Variants in PDE10A observed in about 807,000 individuals in gnomAD.
PDE10A encodes the protein cAMP and cAMP-inhibited cGMP 3',5'-cyclic phosphodiesterase 10A.
A neutral mutation model predicts 97.7 loss-of-function variants in PDE10A; 39 were observed. The ratio of observed to expected loss-of-function variants is 0.40; its 90% CI spans 0.31 to 0.52. The LOEUF is 0.52. PDE10A is among the 20% of genes least tolerant of loss of function. The probability of loss-of-function intolerance (pLI) is 0.56; values close to 1 mark genes in which losing one functional copy is unlikely to be tolerated. For missense variants in PDE10A, 731 were observed against 1,047.8 expected (o/e 0.70, Z 4.17); for synonymous variants, 371 against 376.8 (o/e 0.98, Z 0.18).
At chr6:165,916,954 G>A (rs1276521076) in intron 1 of PDE10A, among the ~76,000 whole-genome samples, 1 of 152,146 alleles carries the variant, frequency 6.6e-6, no homozygotes, top group East Asian at 1.9e-4. Context: ...GTTGGAGGCA[G>A]CAGAATACCC....
chr6:165,985,217 A>G (rs1199397870), intron 1 of PDE10A, among the ~76,000 whole-genome samples: 1 of 152,208 alleles, frequency 6.6e-6, no homozygotes, highest in East Asian at 1.9e-4. Context: ...ACAACAAAAC[A>G]TCTCCATCTG....
intron 1 of PDE10A, among the ~76,000 whole-genome samples, chr6:165,770,315 A>G (rs1181959965): frequency 6.6e-6 from 1 of 152,160 alleles, no homozygotes; most frequent in Admixed American, 6.5e-5. Context: ...TCTTTTTAAA[A>G]AAAAAGAAAG....
chr6:165,674,232 G>C (rs1265720353), intron 1 of PDE10A, among the ~76,000 whole-genome samples: 1 of 151,814 alleles, frequency 6.6e-6, no homozygotes, highest in Non-Finnish European at 1.5e-5. Flanking sequence ...AACAATAGCC[G>C]TGTCTCCCTC....
chr6:165,641,453 A>C (rs1275713206), intron 1 of PDE10A, among the ~76,000 whole-genome samples: 2 of 152,230 alleles, frequency 1.3e-5, no homozygotes, highest in African/African-American at 2.4e-5. Context: ...TTAAAGGTTG[A>C]TGTCTGAACT....
At chr6:165,883,929 G>C (rs1781558779) in intron 1 of PDE10A, among the ~76,000 whole-genome samples, 1 of 152,168 alleles carries the variant, frequency 6.6e-6, no homozygotes, top group Non-Finnish European at 1.5e-5. Context: ...TCAGCTTGGT[G>C]GTCCTTGAGG....
chr6:165,506,251 CGT>C (rs1719867914), intron 2 of PDE10A, among the ~76,000 whole-genome samples: 1 of 152,012 alleles, frequency 6.6e-6, no homozygotes. Flanking sequence ...TTTGAATACA[CGT>C]ATAACATTTC....
chr6:165,625,036 G>A (rs2128411344), intron 1 of PDE10A, among the ~76,000 whole-genome samples: 1 of 152,326 alleles, frequency 6.6e-6, no homozygotes, highest in South Asian at 2.1e-4. Flanking sequence ...TGTTTGGTGA[G>A]CTCAAAGTGC....
chr6:165,784,368 C>T (rs1025342945), intron 1 of PDE10A, among the ~76,000 whole-genome samples: 15 of 152,326 alleles, frequency 9.8e-5, no homozygotes, highest in Admixed American at 5.9e-4. Flanking sequence ...GTCCTTTCCA[C>T]GTTTCTGAGT....
rs1562327907 is a variant in PDE10A at position 165,958,762 on chromosome 6, A to AAAGAAAGAAAGG, written c.-615+28766_-615+28767insCCTTTCTTTCTT. On this transcript the variant is annotated intron_variant, in intron 1 of 19. Transcript: ENST00000366882. ...AAGAAAGAAAGAGAAAGAAAGAAAG[A>AAAGAAAGAAAGG]AAGAAGAAAGCAAGCCAGCCATGCC... 4.2e-5 allele frequency among the ~76,000 whole-genome samples: 6 copies of AAAGAAAGAAAGG among 142,968 alleles called. 1 individual carries two copies. Among genetic ancestry groups the AAAGAAAGAAAGG allele is most frequent in the Non-Finnish European group, 9.2e-5 (6 of 64,940 alleles). The allele number at this position is 142,968 out of a possible 152,430, so 93.8% of individuals were successfully genotyped here. A position where few individuals can be genotyped will look rare whatever the true frequency, so the allele number is the denominator to read the frequency against.
At chr6:165,796,834 T>C (rs1778844555) in intron 1 of PDE10A, among the ~76,000 whole-genome samples, 1 of 152,186 alleles carries the variant, frequency 6.6e-6, no homozygotes, top group South Asian at 2.1e-4. Flanking sequence ...TTCCCCCTCA[T>C]TTTCAAGACA....
chr6:165,394,655 A>C (rs1785997234), intron 15 of PDE10A, among the ~76,000 whole-genome samples: 1 of 152,216 alleles, frequency 6.6e-6, no homozygotes, highest in African/African-American at 2.4e-5. Flanking sequence ...CGTTTTCTAC[A>C]ATGGTTGAAC....
chr6:165,611,515 TGAGGCTGTGCC>T, intron 1 of PDE10A, among the ~76,000 whole-genome samples: 1 of 152,322 alleles, frequency 6.6e-6, no homozygotes, highest in Non-Finnish European at 1.5e-5. Flanking sequence ...GCACAAGATC[TGAGGCTGTGCC>T]CAGAAGGGGC....
At chr6:165,345,152 T>A (rs1322662227) in intron 18 of PDE10A, among the ~76,000 whole-genome samples, 1 of 152,188 alleles carries the variant, frequency 6.6e-6, no homozygotes, top group East Asian at 1.9e-4. Context: ...ATAACGTATA[T>A]CATGGTGAAA....
chr6:165,352,963 A>C (rs1782793617), intron 18 of PDE10A, among the ~76,000 whole-genome samples: 1 of 152,222 alleles, frequency 6.6e-6, no homozygotes, highest in South Asian at 2.1e-4. Flanking sequence ...GACTGTTACC[A>C]CAAATATACA....
chr6:165,564,009 T>C (rs923435467), intron 1 of PDE10A, among the ~76,000 whole-genome samples: 2 of 152,150 alleles, frequency 1.3e-5, no homozygotes, highest in African/African-American at 2.4e-5. Context: ...CCACTGATCA[T>C]AGTATTCAAA....
chr6:165,971,763 A>T (rs930587975), intron 1 of PDE10A, among the ~76,000 whole-genome samples: 4 of 152,254 alleles, frequency 2.6e-5, no homozygotes, highest in African/African-American at 9.6e-5. Context: ...CAACCATTCC[A>T]GACATTTCCA....
chr6:165,617,101 G>GCC (rs1385466283), intron 1 of PDE10A, among the ~76,000 whole-genome samples: 1 of 152,176 alleles, frequency 6.6e-6, no homozygotes, highest in Admixed American at 6.5e-5. Flanking sequence ...CTCCTGTGTA[G>GCC]TTACCTTTAA....
rs1583336130 is a variant in PDE10A at position 165,952,232 on chromosome 6, C to G, written c.-615+35297G>C. Among the ~76,000 whole-genome samples, 3 of 152,254 alleles carry G rather than the reference C, an allele frequency of 2.0e-5. No individual in the cohort carries two copies. The East Asian group carries it at 5.8e-4, about 29-fold the overall frequency. The stretch of plus-strand genomic sequence containing the variant: ...AGCCCCCATGGCCTCTGCCAGAAAC[C>G]GTGCCAGGGATTTGATTCCTTCACC... On this transcript the variant is annotated intron_variant, in intron 1 of 19. Coordinates refer to the PDE10A transcript ENST00000366882.
intron 1 of PDE10A, among the ~76,000 whole-genome samples, chr6:165,644,149 G>A (rs555859112): frequency 2.6e-5 from 4 of 152,170 alleles, no homozygotes; most frequent in South Asian, 2.1e-4. Flanking sequence ...TCCGCCTCCC[G>A]GGTTCATGCC....
Sources: gnomAD v4.1 joint callset for allele counts (sites outside exome capture counted in the v4.1 genomes callset) on GRCh38, gnomAD v4.1.1 for gene constraint, MANE v1.5 for transcripts, NCBI Gene and HGNC (gene_info 2026-07-23, HGNC 2026-07-21) for gene names.